DST: variants seen among roughly 807,000 people sequenced by gnomAD.
The protein encoded by DST is dystonin, also known as bullous pemphigoid antigen.
A neutral mutation model predicts 875.2 loss-of-function variants in DST; 253 were observed. That is an observed-to-expected ratio of 0.29 (90% confidence interval 0.26 to 0.32). DST has a LOEUF of 0.32. Among genes scored for constraint, DST ranks in the 10% least tolerant of loss-of-function variants. The pLI, the probability that DST is intolerant of heterozygous loss-of-function variation, is 1.00. For missense variants in DST, 8,287 were observed against 9,111.6 expected (o/e 0.91, Z 3.68); for synonymous variants, 3,124 against 3,197.1 (o/e 0.98, Z 0.77).
At chr6:56,873,691 G>T (rs990493784) in intron 3 of DST, among the ~76,000 whole-genome samples, 2 of 152,168 alleles carry the variant, frequency 1.3e-5, no homozygotes, top group Non-Finnish European at 2.9e-5. Context: ...GAATTGAAAG[G>T]TGTTTACCAG....
chr6:56,468,705 G>A (rs999368726), intron 98 of DST, among the ~76,000 whole-genome samples: 1 of 152,114 alleles, frequency 6.6e-6, no homozygotes, highest in African/African-American at 2.4e-5. Flanking sequence ...TATAAAAAAT[G>A]GGAATTAAAA....
rs1422326476 is a variant in DST, at chr6:56,703,689, C to T, written c.835G>A (p.Glu279Lys). 2.2e-5 allele frequency: 22 copies of T among 985,102 alleles called. No homozygotes were observed. Among genetic ancestry groups the T allele is most frequent in the East Asian group, 1.1e-4 (1 of 8,806 alleles). The allele number at this position is 985,102 out of a possible 1,614,324, so 61.0% of individuals were successfully genotyped here. A position where few individuals can be genotyped will look rare whatever the true frequency, so the allele number is the denominator to read the frequency against. Residue 279 changes from glutamate to lysine, a missense_variant, in exon 7 of 104, where the codon GAA (glutamate) becomes AAA (lysine). Glu to Lys is a moderately conservative substitution (Grantham distance 56). Around this residue, in one of 10 missense-constraint regions of DST, gnomAD observed 1,160 missense variants for 1,424.3 expected, o/e 0.81. Transcript: ENST00000680361. ...TCCACATCCTCATGCTGTTCATATT[C>T]GCATGCTTCTGTTGCACTCACCAAT... is the stretch of plus-strand genomic sequence containing the variant. ...LRLVSATEAC[E>K]YEQHEDVEDE...
intron 16 of DST, 142 bp downstream of exon 16, chr6:56,642,268 C>T (rs1049597471): frequency 2.0e-5 from 17 of 866,556 alleles, no homozygotes; most frequent in Non-Finnish European, 3.0e-5. Context: ...AGAGCAAACA[C>T]CAATCATAAT....
rs1562587802 is a variant in DST at position 56,530,099 on chromosome 6, G to T, written c.17143C>A (p.Gln5715Lys). 6.7e-7 allele frequency: 1 copy of T among 1,483,100 alleles called. No individual in the cohort carries two copies. Among genetic ancestry groups the T allele is most frequent in the Admixed American group, 2.0e-5 (1 of 50,090 alleles). 91.9% of individuals were successfully genotyped at this position (1,483,100 alleles called of 1,614,324 possible). ...GGTTCTAAGGTTTCATGAAATTGCT[G>T]TGCTACCACCGAGATACCTTCCAAC... is the stretch of plus-strand genomic sequence containing the variant. ...RQLEGISVVA[Q>K]QFHETLEPLN... is the part of the protein sequence containing the mutation. The change falls in exon 65 of 104, where the codon CAG becomes AAG. Residue 5715 changes from glutamine to lysine, a missense_variant. By Grantham distance (53) the Gln-to-Lys change is moderately conservative. Coordinates refer to ENST00000680361, the MANE Select transcript of DST (RefSeq NM_001374736.1).
intron 3 of DST, among the ~76,000 whole-genome samples, chr6:56,853,821 A>T (rs2127581636): frequency 6.6e-6 from 1 of 152,256 alleles, no homozygotes; most frequent in South Asian, 2.1e-4. Context: ...TGCAGCCTCT[A>T]ATCTGGTAGT....
chr6:56,670,616 AG>A, intron 10 of DST, 24 bp downstream of exon 10: 1 of 1,448,380 alleles, frequency 6.9e-7, no homozygotes. Flanking sequence ...CAGTTGTATA[AG>A]GAAAAAATAC....
intron 58 of DST, among the ~76,000 whole-genome samples, chr6:56,560,090 G>C (rs996393326): frequency 2.6e-5 from 4 of 151,954 alleles, no homozygotes; most frequent in Admixed American, 2.0e-4. Context: ...TTTAATTACT[G>C]TGTTTACCAT....
At chr6:56,584,223 G>T (rs1170425203) in intron 49 of DST, among the ~76,000 whole-genome samples, 1 of 151,894 alleles carries the variant, frequency 6.6e-6, no homozygotes, top group African/African-American at 2.4e-5. Flanking sequence ...TCTTACCCAT[G>T]AGCATGGAAT....
At chr6:56,811,962 C>A (rs1396422442) in intron 4 of DST, among the ~76,000 whole-genome samples, 2 of 151,248 alleles carry the variant, frequency 1.3e-5, no homozygotes, top group Non-Finnish European at 2.9e-5. Flanking sequence ...ATTAGCCAGG[C>A]GTAGTGGAGC....
Position 56,630,332 on chromosome 6 carries a change from G to A in DST, c.4194C>T (p.Leu1398=), listed in dbSNP as rs375824783. Residue 1398 remains leucine (L), a synonymous_variant, in exon 31 of 104, where the codon CTC becomes CTT. Coordinates refer to ENST00000680361, the MANE Select transcript of DST (RefSeq NM_001374736.1). ...ACAGTTTAGTTTCATAGAGTTTTAC[G>A]AGGGCTTCTGCAGCTTGAGTGTTTT... ...VLKNTQAAEA[L]VKLYETKLCE... 96 of 1,612,636 alleles carry A rather than the reference G, an allele frequency of 6.0e-5. No homozygotes were observed. The East Asian group carries it at 1.6e-3, about 27-fold the overall frequency.
intron 2 of DST, among the ~76,000 whole-genome samples, chr6:56,931,132 G>A (rs1809993185): frequency 6.6e-6 from 1 of 152,188 alleles, no homozygotes; most frequent in Non-Finnish European, 1.5e-5. Flanking sequence ...TTTGATTGGA[G>A]TTGAGGGTAG....
chr6:56,538,014 ACT>A (rs1282302319), intron 61 of DST, among the ~76,000 whole-genome samples: 1 of 152,030 alleles, frequency 6.6e-6, no homozygotes, highest in Admixed American at 6.5e-5. Flanking sequence ...ACATGGCCTC[ACT>A]CTGTCACCCA....
At chr6:56,842,894 G>A (rs1301175526) in intron 4 of DST, among the ~76,000 whole-genome samples, 2 of 152,056 alleles carry the variant, frequency 1.3e-5, no homozygotes, top group Non-Finnish European at 2.9e-5. Flanking sequence ...CCCTGCGCTG[G>A]GGGTACTAAA....
Position 56,529,564 on chromosome 6 carries a change from C to T in DST, c.17479G>A (p.Gly5827Arg). The T allele has an allele frequency of 6.2e-7, 1 of 1,613,762 alleles. No homozygotes were observed. Among genetic ancestry groups the T allele is most frequent in the Non-Finnish European group, 8.5e-7 (1 of 1,179,756 alleles). The change falls in exon 66 of 104, where the codon GGG (glycine) becomes AGG (arginine). Residue 5827 changes from glycine to arginine, a missense_variant. Around this residue, in one of 10 missense-constraint regions of DST, gnomAD observed 777 missense variants for 764.8 expected, o/e 1.02. Coordinates refer to ENST00000680361, the MANE Select transcript of DST (RefSeq NM_001374736.1). ...TTCATCAGTTCAACTTCATCTTCCC[C>T]AAAAATCTTAGCATTACATAAGGCC... ...QQALCNAKIF[G>R]EDEVELMNWL...
chr6:56,568,682 T>A, intron 54 of DST, 87 bp from the exon 55 acceptor site: 1 of 1,194,456 alleles, frequency 8.4e-7, no homozygotes. Context: ...TATCTTAAAG[T>A]AGTAATAATT....
Position 56,493,050 on chromosome 6 carries a change from G to A in DST, c.20434C>T (p.His6812Tyr). 6.2e-7 allele frequency: 1 copy of A among 1,612,404 alleles called. No homozygotes were observed. The highest frequency in any genetic ancestry group is 8.5e-7 in the Non-Finnish European group (1 of 1,179,184). ...EEALNLAMEF[H>Y]NSLQDFINWL... ...TTGATGAAGTCTTGGAGAGAATTGT[G>A]GAACTCCATTGCCAAGTTGAGAGCC... Residue 6812 changes from histidine to tyrosine, a missense_variant, in exon 84 of 104, where the codon CAC becomes TAC. Physicochemically the swap from His to Tyr is moderately conservative, Grantham distance 83. Around this residue, in one of 10 missense-constraint regions of DST, gnomAD observed 1,292 missense variants for 1,552.7 expected, o/e 0.83. Transcript: ENST00000680361.
At chr6:56,579,446 T>C (rs375477103) in intron 49 of DST, among the ~76,000 whole-genome samples, 113 of 152,298 alleles carry the variant, frequency 7.4e-4, no homozygotes, top group African/African-American at 2.5e-3. Flanking sequence ...TGCTACATTT[T>C]GTGAATATAC....
intron 75 of DST, among the ~76,000 whole-genome samples, chr6:56,507,472 C>A (rs1388507364): frequency 6.6e-6 from 1 of 152,176 alleles, no homozygotes; most frequent in African/African-American, 2.4e-5. Context: ...ATACTATGTG[C>A]AGAGTCCTTT....
At position 56,824,111 on chromosome 6, in the gene DST, T is replaced by C. The variant is rs550351917; in HGVS notation, c.625+27286A>G. Among the ~76,000 whole-genome samples the C allele has an allele frequency of 1.7e-3, 252 of 152,216 alleles. 1 individual carries two copies. Among genetic ancestry groups the C allele is most frequent in the Non-Finnish European group, 4.6e-4 (31 of 67,986 alleles). Reference sequence around the variant, plus strand: ...CTCGGCTCACTGCAACCTCCCTGCCTGATTCTCCTGCCTCAGCCTGCCGAG... The same window carrying C: ...CTCGGCTCACTGCAACCTCCCTGCCCGATTCTCCTGCCTCAGCCTGCCGAG... On this transcript the variant is annotated intron_variant, in intron 4 of 103. Coordinates refer to ENST00000680361, the MANE Select transcript of DST (RefSeq NM_001374736.1).
Sources: allele counts gnomAD v4.1 joint callset (sites outside exome capture counted in the v4.1 genomes callset), GRCh38; gene constraint gnomAD v4.1.1; regional missense constraint gnomAD v4.1.1; transcripts MANE v1.5; gene names NCBI Gene and HGNC (gene_info 2026-07-23, HGNC 2026-07-21).